The following PRDM16 variants were observed in gnomAD, a reference collection of about 807,000 sequenced individuals.
PRDM16 encodes histone-lysine N-methyltransferase PRDM16.
PRDM16 carries 23 observed loss-of-function variants against 110.6 expected under a neutral mutation model. The ratio of observed to expected loss-of-function variants is 0.21; its 90% confidence interval spans 0.15 to 0.29. The LOEUF (loss-of-function observed/expected upper bound fraction) is 0.29. PRDM16 is among the 10% of genes least tolerant of loss of function. PRDM16 has a pLI of 1.00. For missense variants in PRDM16, 1,615 were observed against 1,794.3 expected, an observed-to-expected ratio of 0.90 and a Z score of 1.81; for synonymous variants, 799 against 781.8, an observed-to-expected ratio of 1.02 and a Z score of -0.37.
intron 1 of PRDM16, among the ~76,000 whole-genome samples, chr1:3,097,812 TC>T (rs1177440600): frequency 6.6e-6 from 1 of 152,064 alleles, no homozygotes; most frequent in Non-Finnish European, 1.5e-5. Context: ...TGTAGAGAGA[TC>T]CCAGGGGGGC....
intron 8 of PRDM16, among the ~76,000 whole-genome samples, chr1:3,407,103 T>C (rs999836141): frequency 6.6e-6 from 1 of 152,218 alleles, no homozygotes; most frequent in Non-Finnish European, 1.5e-5. Flanking sequence ...TGCATCAGCC[T>C]GGAGAGGCGG....
chr1:3,252,243 C>A (rs1021337016), intron 3 of PRDM16, among the ~76,000 whole-genome samples: 4 of 152,232 alleles, frequency 2.6e-5, no homozygotes, highest in African/African-American at 9.6e-5. Flanking sequence ...TGAGTGCTCC[C>A]GGCTCCGAGG....
At chr1:3,385,477 C>T (rs570859965) in intron 4 of PRDM16, among the ~76,000 whole-genome samples, 191 bp downstream of exon 4, 1 of 152,246 alleles carries the variant, frequency 6.6e-6, no homozygotes, top group Admixed American at 6.5e-5. Flanking sequence ...TGACTCACCC[C>T]GGGAGGGCTC....
At chr1:3,250,979 C>T (rs939589518) in intron 3 of PRDM16, among the ~76,000 whole-genome samples, 10 of 152,222 alleles carry the variant, frequency 6.6e-5, no homozygotes, top group Admixed American at 6.5e-4. Context: ...GAACAGGTGG[C>T]TCTGGGGACC....
At chr1:3,160,392 T>G (rs1643888525) in intron 1 of PRDM16, among the ~76,000 whole-genome samples, 1 of 152,136 alleles carries the variant, frequency 6.6e-6, no homozygotes, top group African/African-American at 2.4e-5. Flanking sequence ...GAGGGGGCTT[T>G]GGCCTGAGCT....
chr1:3,151,165 A>G (rs1643768950), intron 1 of PRDM16, among the ~76,000 whole-genome samples: 2 of 152,144 alleles, frequency 1.3e-5, no homozygotes, highest in Admixed American at 1.3e-4. Flanking sequence ...CTCTGGGTAC[A>G]ACAAATTGAG....
At chr1:3,317,144 G>T (rs979041698) in intron 3 of PRDM16, among the ~76,000 whole-genome samples, 6 of 152,172 alleles carry the variant, frequency 3.9e-5, no homozygotes, top group Admixed American at 6.5e-5. Context: ...CCACAGACGC[G>T]CCCATCATCT....
chr1:3,357,028 A>G (rs1049034737), intron 3 of PRDM16, among the ~76,000 whole-genome samples: 19 of 152,208 alleles, frequency 1.2e-4, no homozygotes, highest in African/African-American at 4.6e-4. Flanking sequence ...TGCCCACAGC[A>G]GCCCCAACTG....
At chr1:3,346,618 T>A (rs1642368564) in intron 3 of PRDM16, among the ~76,000 whole-genome samples, 1 of 152,046 alleles carries the variant, frequency 6.6e-6, no homozygotes, top group African/African-American at 2.4e-5. Context: ...TGCGAGCCTC[T>A]CGATGGCCAG....
chr1:3,429,511 A>T lies in PRDM16; in HGVS notation c.3285-1361A>T, dbSNP rs574100805. On this transcript the variant is annotated intron_variant, in intron 14 of 16. Transcript: ENST00000270722. ...CTGGGCTCTCACCCTGCGCCATCTC[A>T]TCCCGTCCTCAGAGTGGACAGGGAG... 6.9e-4 allele frequency among the ~76,000 whole-genome samples: 105 copies of T among 152,228 alleles called. 1 individual carries two copies. In the South Asian group the frequency reaches 0.021, roughly 31 times the overall value.
Position 3,339,159 on chromosome 1 carries a change from CCTT to C in PRDM16, c.439-45990_439-45988del, listed in dbSNP as rs1642220981. 6.6e-6 allele frequency among the ~76,000 whole-genome samples: 1 copy of C among 152,200 alleles called. No individual in the cohort carries two copies. The highest frequency in any genetic ancestry group is 2.4e-5 in the African/African-American group (1 of 41,450). ...TGCTCAGAGGCATCTCCTGCTCTCT[CCTT>C]CTGGAGGGCAGCTTCCTGGCCACCC... On this transcript the variant is annotated intron_variant, in intron 3 of 16. Coordinates refer to ENST00000270722, the MANE Select transcript of PRDM16 (RefSeq NM_022114.4). The surrounding 1 kb of genome is among the most constrained non-coding windows in gnomAD (Gnocchi z 5.0).
chr1:3,371,589 A>G (rs1359213603), intron 3 of PRDM16, among the ~76,000 whole-genome samples: 2 of 151,876 alleles, frequency 1.3e-5, no homozygotes, highest in African/African-American at 4.8e-5. Context: ...CCTTCCATTC[A>G]TCCATCCATC....
chr1:3,358,110 G>A lies in PRDM16; in HGVS notation c.439-27042G>A, dbSNP rs1047473155. 6.6e-6 allele frequency among the ~76,000 whole-genome samples: 1 copy of A among 152,214 alleles called. No individual in the cohort carries two copies. Among genetic ancestry groups the A allele is most frequent in the African/African-American group, 2.4e-5 (1 of 41,450 alleles). On this transcript the variant is annotated intron_variant, in intron 3 of 16. Transcript: ENST00000270722. The surrounding 1 kb of genome is among the most constrained non-coding windows in gnomAD (Gnocchi z 4.0). Reference sequence around the variant, plus strand: ...TGGCCTCACGCGTGGGTCCATCCCGGAACCACACAGTGGGCCTGGCCATGA... The same window carrying A: ...TGGCCTCACGCGTGGGTCCATCCCGAAACCACACAGTGGGCCTGGCCATGA...
rs542248408 is a variant in PRDM16, at chr1:3,436,628, C to T, written c.*2817C>T. ...TGTGGCCCCAGGCCCCAGCGAGCCTCGCCCTCCCAGTTTTGCTCTGCCCAG... is the reference window on the plus strand; with the variant it reads ...TGTGGCCCCAGGCCCCAGCGAGCCTTGCCCTCCCAGTTTTGCTCTGCCCAG... On this transcript the variant is annotated 3_prime_UTR_variant, in exon 17 of 17. Transcript: ENST00000270722. 9.1e-4 allele frequency: 204 copies of T among 225,140 alleles called. 1 individual carries two copies. In the East Asian group the frequency reaches 9.3e-3, roughly 10 times the overall value. 13.9% of individuals were successfully genotyped at this position (225,140 alleles called of 1,614,324 possible). A position where few individuals can be genotyped will look rare whatever the true frequency, so the allele number is the denominator to read the frequency against.
rs1553141093 is a variant in PRDM16 at position 3,181,486 on chromosome 1, A to AAG, written c.38-4639_38-4638insAG. 1.8e-4 allele frequency among the ~76,000 whole-genome samples: 10 copies of AAG among 56,476 alleles called. 3 individuals carry two copies. Among genetic ancestry groups the AAG allele is most frequent in the Admixed American group, 3.9e-4 (2 of 5,084 alleles). 37.1% of individuals were successfully genotyped at this position (56,476 alleles called of 152,430 possible). On this transcript the variant is annotated intron_variant, in intron 1 of 16. Transcript: ENST00000270722. Reference sequence around the variant, plus strand: ...CGGTCTTACACACGCAGTCTTACACACAGCCTTACGCATGGTCTTACACAC... The same window carrying AAG: ...CGGTCTTACACACGCAGTCTTACACAAGCAGCCTTACGCATGGTCTTACACAC...
intron 3 of PRDM16, among the ~76,000 whole-genome samples, chr1:3,305,652 C>T (rs899832168): frequency 7.2e-5 from 11 of 152,252 alleles, no homozygotes; most frequent in Admixed American, 2.0e-4. Flanking sequence ...GGCCCCCTGG[C>T]AGGGCAGAAA....
chr1:3,330,648 G>GC (rs1642023412), intron 3 of PRDM16, among the ~76,000 whole-genome samples: 1 of 152,208 alleles, frequency 6.6e-6, no homozygotes, highest in Non-Finnish European at 1.5e-5. Flanking sequence ...GGCAATATCT[G>GC]CCCCACAGCC....
intron 2 of PRDM16, among the ~76,000 whole-genome samples, chr1:3,233,494 G>T (rs185526234): frequency 6.6e-6 from 1 of 152,342 alleles, no homozygotes; most frequent in East Asian, 1.9e-4. Context: ...GGCTCAGGCT[G>T]AGCATGGAAC....
intron 15 of PRDM16, 51 bp downstream of exon 15, chr1:3,431,159 C>CGGGG (rs1237713689): frequency 6.5e-7 from 1 of 1,530,292 alleles, no homozygotes; most frequent in Admixed American, 2.0e-5. Flanking sequence ...ACGTGGGCGT[C>CGGGG]CATCACGAGG....
Sources: gnomAD v4.1 joint callset for allele counts (sites outside exome capture counted in the v4.1 genomes callset) on GRCh38, gnomAD v4.1.1 for gene constraint, Gnocchi (gnomAD v3.1) non-coding constraint, MANE v1.5 for transcripts, NCBI Gene and HGNC (gene_info 2026-07-23, HGNC 2026-07-21) for gene names.